Variants in LRRC4C observed in about 807,000 individuals in gnomAD.
The protein encoded by LRRC4C is leucine-rich repeat-containing protein 4C.
LRRC4C carries 5 observed loss-of-function variants against 33.6 expected under a neutral mutation model. That is an observed-to-expected ratio of 0.15 (90% confidence interval 0.08 to 0.31). The LOEUF is 0.31. LRRC4C is among the 10% of genes least tolerant of loss of function. The probability of loss-of-function intolerance (pLI) is 1.00; values close to 1 mark genes in which losing one functional copy is unlikely to be tolerated. For missense variants in LRRC4C, 560 were observed against 796.7 expected (o/e 0.70, Z 3.58); for synonymous variants, 329 against 302.0 (o/e 1.09, Z -0.93).
In LRRC4C at chr11:41,117,597, T is replaced by C. The variant is rs562896957; in HGVS notation, c.-495-183874A>G. Among the ~76,000 whole-genome samples the C allele has an allele frequency of 2.6e-5, 4 of 152,232 alleles. No individual in the cohort carries two copies. In the East Asian group the frequency reaches 7.7e-4, roughly 29 times the overall value. ...ATCATTATTTTTACACTTCATTTAA[T>C]GGGATATTGCATTTTCTAAGGAAAA... On this transcript the variant is annotated intron_variant, in intron 1 of 6. Transcript: ENST00000528697.
At chr11:40,774,247 T>C (rs1047001182) in intron 2 of LRRC4C, among the ~76,000 whole-genome samples, 2 of 152,238 alleles carry the variant, frequency 1.3e-5, no homozygotes, top group Admixed American at 1.3e-4. Flanking sequence ...TATTTACCTG[T>C]TGAAGGACAT....
At position 40,989,811 on chromosome 11, in the gene LRRC4C, C is replaced by G. The variant is rs1395381497; in HGVS notation, c.-495-56088G>C. Among the ~76,000 whole-genome samples the G allele has an allele frequency of 1.3e-5, 2 of 152,046 alleles. 1 individual carries two copies. The highest frequency in any genetic ancestry group is 2.9e-5 in the Non-Finnish European group (2 of 67,988). On this transcript the variant is annotated intron_variant, in intron 1 of 6. Transcript: ENST00000528697. ...ATGTGTTTTAAAGGTACAGTCAGCC[C>G]TCCATATCCTTGCCTTCCCATCCAC...
chr11:40,708,138 T>C lies in LRRC4C; in HGVS notation c.-406-59860A>G, dbSNP rs559670528. On this transcript the variant is annotated intron_variant, in intron 2 of 6. Transcript: ENST00000528697. Reference sequence around the variant, plus strand: ...TAGTCTTGCTAGAGGTCTATCAATTTTGTTGATCTTTTCAAAAAATCAACT... The same window carrying C: ...TAGTCTTGCTAGAGGTCTATCAATTCTGTTGATCTTTTCAAAAAATCAACT... Among the ~76,000 whole-genome samples the C allele has an allele frequency of 1.2e-4, 18 of 152,278 alleles. No homozygotes were observed. The East Asian group carries it at 2.1e-3, about 18-fold the overall frequency.
chr11:41,216,262 G>T (rs1947057022), intron 1 of LRRC4C, among the ~76,000 whole-genome samples: 1 of 152,002 alleles, frequency 6.6e-6, no homozygotes, highest in African/African-American at 2.4e-5. Flanking sequence ...GGGAATTTAG[G>T]ACACAGACAC....
intron 3 of LRRC4C, among the ~76,000 whole-genome samples, chr11:40,644,063 A>T (rs534099933): frequency 7.9e-5 from 12 of 152,320 alleles, no homozygotes; most frequent in South Asian, 6.2e-4. Context: ...TAGACAATAA[A>T]ATAAAATTTG....
intron 2 of LRRC4C, among the ~76,000 whole-genome samples, chr11:40,746,914 G>A (rs1198765338): frequency 6.6e-6 from 1 of 152,186 alleles, no homozygotes; most frequent in African/African-American, 2.4e-5. Flanking sequence ...GAGCCAGAGG[G>A]TCATCCTGCC....
intron 3 of LRRC4C, among the ~76,000 whole-genome samples, chr11:40,424,316 A>G (rs900858320): frequency 6.6e-6 from 1 of 152,180 alleles, no homozygotes; most frequent in Non-Finnish European, 1.5e-5. Context: ...GAGGAGTTAT[A>G]TTTTCATGTA....
chr11:41,025,925 T>A (rs1284165281), intron 1 of LRRC4C, among the ~76,000 whole-genome samples: 1 of 151,728 alleles, frequency 6.6e-6, no homozygotes, highest in Admixed American at 6.6e-5. Context: ...ATTGTTGATA[T>A]CTTCTGCTCA....
At chr11:40,166,618 A>T (rs550778657) in intron 5 of LRRC4C, among the ~76,000 whole-genome samples, 121 of 152,278 alleles carry the variant, frequency 7.9e-4, no homozygotes, top group African/African-American at 2.9e-3. Context: ...AGCCTCACAT[A>T]GTATCAGGCA....
chr11:40,851,192 C>T (rs1953473679), intron 2 of LRRC4C, among the ~76,000 whole-genome samples: 1 of 151,970 alleles, frequency 6.6e-6, no homozygotes, highest in African/African-American at 2.4e-5. Context: ...AAAAAAAAAC[C>T]CTCCTGCAGC....
chr11:41,320,079 T>C (rs1950913865), intron 1 of LRRC4C, among the ~76,000 whole-genome samples: 1 of 152,176 alleles, frequency 6.6e-6, no homozygotes, highest in Admixed American at 6.5e-5. Flanking sequence ...GTAACCAATC[T>C]GTCTTTTTAT....
At chr11:40,180,250 G>A (rs1281822752) in intron 5 of LRRC4C, among the ~76,000 whole-genome samples, 1 of 152,202 alleles carries the variant, frequency 6.6e-6, no homozygotes, top group Non-Finnish European at 1.5e-5. Flanking sequence ...TAGAACTCAT[G>A]TATCGTAACA....
chr11:40,449,018 CAT>C (rs1277400276), intron 3 of LRRC4C, among the ~76,000 whole-genome samples: 5 of 152,120 alleles, frequency 3.3e-5, no homozygotes, highest in South Asian at 2.1e-4. Flanking sequence ...AGCTTTTTTT[CAT>C]ATGTTTGTTG....
At chr11:40,907,639 G>A (rs1956480856) in intron 2 of LRRC4C, among the ~76,000 whole-genome samples, 1 of 152,136 alleles carries the variant, frequency 6.6e-6, no homozygotes, top group South Asian at 2.1e-4. Context: ...AAACTGTGTA[G>A]CCTTTAAAAT....
At chr11:40,918,152 T>C (rs1327854883) in intron 2 of LRRC4C, among the ~76,000 whole-genome samples, 1 of 152,076 alleles carries the variant, frequency 6.6e-6, no homozygotes, top group Non-Finnish European at 1.5e-5. Flanking sequence ...TGAGCCTTTG[T>C]GTAAGGAGAA....
rs1377393743 is a variant in LRRC4C, at chr11:41,103,146, T to C, written c.-495-169423A>G. ...CAACATGGCCTGTTCCTTATATTTA[T>C]TTTCTTTTTGTTTATTATATGGCCT... is the stretch of plus-strand genomic sequence containing the variant. On this transcript the variant is annotated intron_variant, in intron 1 of 6. Transcript: ENST00000528697. Among the ~76,000 whole-genome samples the C allele has an allele frequency of 2.6e-5, 4 of 151,982 alleles. No homozygotes were observed. The East Asian group carries it at 5.8e-4, about 22-fold the overall frequency.
At chr11:40,260,415 G>C (rs1867610949) in intron 4 of LRRC4C, among the ~76,000 whole-genome samples, 1 of 143,650 alleles carries the variant, frequency 7.0e-6, no homozygotes. Flanking sequence ...GGGTTAGGGG[G>C]AGGGGGGAGG....
At chr11:41,076,152 A>G (rs1426678197) in intron 1 of LRRC4C, among the ~76,000 whole-genome samples, 1 of 152,174 alleles carries the variant, frequency 6.6e-6, no homozygotes, top group Non-Finnish European at 1.5e-5. Flanking sequence ...TTTAATCTTT[A>G]TCCTGAACCT....
At chr11:40,128,014 T>C (rs1856380531) in intron 6 of LRRC4C, among the ~76,000 whole-genome samples, 1 of 152,102 alleles carries the variant, frequency 6.6e-6, no homozygotes, top group Non-Finnish European at 1.5e-5. Context: ...ACAAAAAGAA[T>C]GCCCAATCTA....
Sources: gnomAD v4.1 joint callset for allele counts (sites outside exome capture counted in the v4.1 genomes callset) on GRCh38, gnomAD v4.1.1 for gene constraint, MANE v1.5 for transcripts, NCBI Gene and HGNC (gene_info 2026-07-23, HGNC 2026-07-21) for gene names.